Variants in CACNA1B observed in about 807,000 individuals in gnomAD.
CACNA1B encodes calcium voltage-gated channel subunit alpha1 B, also known as voltage-dependent N-type calcium channel subunit alpha-1B.
Under a neutral mutation model 247.2 loss-of-function variants are expected in CACNA1B, and 70 were observed. That is an observed-to-expected ratio of 0.28 (90% CI 0.23 to 0.35). The LOEUF is 0.35. Among genes scored for constraint, CACNA1B ranks in the 10% least tolerant of loss-of-function variants. The pLI, the probability that CACNA1B is intolerant of heterozygous loss-of-function variation, is 1.00. For synonymous variants in CACNA1B, 1,231 were observed against 1,294.4 expected (o/e 0.95, Z 1.05); for missense variants, 2,367 against 3,197.4 (o/e 0.74, Z 6.26).
rs1374854515 is a variant in CACNA1B, at chr9:138,073,739, T to G, written c.4791+135T>G. 2 of 661,342 alleles carry G rather than the reference T, an allele frequency of 3.0e-6. No individual in the cohort carries two copies. The highest frequency in any genetic ancestry group is 3.6e-5 in the African/African-American group (2 of 55,500). The allele number at this position is 661,342 out of a possible 1,614,324, so 41.0% of individuals were successfully genotyped here. On this transcript the variant is annotated intron_variant, in intron 33 of 46. Transcript: ENST00000371372. This position sits in a 1 kb window ranked among gnomAD's most constrained non-coding sequence, Gnocchi z 6.4. The stretch of plus-strand genomic sequence containing the variant: ...GCAGGTTTCGTGGTTGTATGCATTG[T>G]CCTGTTGTCATTTATAAAGACGTTT...
At chr9:138,006,397 G>A (rs1176778844) in intron 15 of CACNA1B, among the ~76,000 whole-genome samples, 1 of 152,188 alleles carries the variant, frequency 6.6e-6, no homozygotes, top group East Asian at 1.9e-4. Flanking sequence ...GTGAACCTCG[G>A]CTTCCTTGAC....
intron 34 of CACNA1B, 77 bp from the exon 35 acceptor site, chr9:138,075,742 C>T (rs1960293788): frequency 3.3e-6 from 3 of 914,296 alleles, no homozygotes; most frequent in Non-Finnish European, 5.3e-6. Context: ...GGCTCGCACG[C>T]CCTCTCTGGC....
At chr9:137,892,010 C>G (rs1309726096) in intron 3 of CACNA1B, 7 of 456,820 alleles carry the variant, frequency 1.5e-5, no homozygotes, top group Admixed American at 1.2e-4. Context: ...GCGCCTTGGT[C>G]CTCCTCACTC....
In CACNA1B at chr9:137,919,849, TG is replaced by T. The variant is rs1314855588; in HGVS notation, c.966+2423del. Among the ~76,000 whole-genome samples the T allele has an allele frequency of 6.6e-6, 1 of 151,954 alleles. No individual in the cohort carries two copies. Among genetic ancestry groups the T allele is most frequent in the Non-Finnish European group, 1.5e-5 (1 of 67,996 alleles). On this transcript the variant is annotated intron_variant, in intron 6 of 46. Transcript: ENST00000371372. This position sits in a 1 kb window ranked among gnomAD's most constrained non-coding sequence, Gnocchi z 4.6. ...GCTGGTGGCAGCGGGTGGGGCAGCGTGGGGGCACTCCAGCTTGAGGAGAAAT... is the reference window on the plus strand; with the variant it reads ...GCTGGTGGCAGCGGGTGGGGCAGCGTGGGGCACTCCAGCTTGAGGAGAAAT...
chr9:138,056,122 A>G (rs750167651), intron 26 of CACNA1B, among the ~76,000 whole-genome samples: 2 of 152,230 alleles, frequency 1.3e-5, no homozygotes, highest in Non-Finnish European at 2.9e-5. Flanking sequence ...ACAGTGTGCA[A>G]TTAAGTGGCT....
At chr9:138,110,978 T>A (rs564194305) in intron 39 of CACNA1B, among the ~76,000 whole-genome samples, 81 of 143,940 alleles carry the variant, frequency 5.6e-4, no homozygotes, top group African/African-American at 1.4e-3. Context: ...ATCCAGAATT[T>A]AAAAAAAAAA....
chr9:138,070,950 A>G (rs1178621151), intron 32 of CACNA1B, among the ~76,000 whole-genome samples: 1 of 152,232 alleles, frequency 6.6e-6, no homozygotes, highest in African/African-American at 2.4e-5. Context: ...CGGGGCCCAC[A>G]GATCGGGGTG....
At chr9:138,047,065 G>A (rs745436449) in intron 22 of CACNA1B, 32 bp downstream of exon 22, 13 of 1,581,042 alleles carry the variant, frequency 8.2e-6, no homozygotes, top group Non-Finnish European at 1.0e-5. Flanking sequence ...GTCCCCGCCA[G>A]GCTGTGGCGG....
chr9:138,055,145 G>A (rs751310596), intron 26 of CACNA1B, among the ~76,000 whole-genome samples: 22 of 85,718 alleles, frequency 2.6e-4, no homozygotes, highest in Non-Finnish European at 5.0e-4. Flanking sequence ...TTTTTTTTTT[G>A]AGACAGGATC....
At position 137,878,046 on chromosome 9, in the gene CACNA1B, A is replaced by C; in HGVS notation, c.113A>C (p.Gln38Pro). Residue 38 changes from glutamine (Q) to proline (P), a missense_variant, in exon 1 of 47, where the codon CAG becomes CCG. Coordinates refer to ENST00000371372, the MANE Select transcript of CACNA1B (RefSeq NM_000718.4). ...GAGGPGPGGL[Q>P]PGQRVLYKQS... ...GGGGGCCCGGGTCCCGGGGGGCTGC[A>C]GCCCGGCCAGCGGGTCCTCTACAAG... 1 of 1,296,900 alleles carries C rather than the reference A, an allele frequency of 7.7e-7. No individual in the cohort carries two copies. The highest frequency in any genetic ancestry group is 9.9e-7 in the Non-Finnish European group (1 of 1,014,554). The allele number at this position is 1,296,900 out of a possible 1,614,324, so 80.3% of individuals were successfully genotyped here.
chr9:138,028,674 G>A (rs1004115119), intron 20 of CACNA1B, among the ~76,000 whole-genome samples: 17 of 152,196 alleles, frequency 1.1e-4, no homozygotes, highest in Admixed American at 2.0e-4. Context: ...AAATGAAGGC[G>A]CATTCCAGAG....
At position 138,120,189 on chromosome 9, in the gene CACNA1B, A is replaced by G; in HGVS notation, c.6055A>G (p.Lys2019Glu). The change falls in exon 45 of 47, where the codon AAG becomes GAG. Residue 2019 changes from lysine to glutamate, a missense_variant. Around this residue, in one of 12 missense-constraint regions of CACNA1B, gnomAD observed 773 missense variants for 779.4 expected, o/e 0.99. Transcript: ENST00000371372. ...TQPVTDASPM[K>E]RSISTLAQRP... is the part of the protein sequence containing the mutation. ...GCCCGTCACAGATGCCAGCCCCATGAAGCGCTCCATCTCCACGCTGGCCCA... is the reference window on the plus strand; with the variant it reads ...GCCCGTCACAGATGCCAGCCCCATGGAGCGCTCCATCTCCACGCTGGCCCA... 6.2e-7 allele frequency: 1 copy of G among 1,606,646 alleles called. No individual in the cohort carries two copies. The highest frequency in any genetic ancestry group is 2.3e-5 in the East Asian group (1 of 44,308).
In CACNA1B at chr9:138,116,005, C is replaced by A. The variant is rs2739257; in HGVS notation, c.5777+326C>A. Among the ~76,000 whole-genome samples the A allele has an allele frequency of 0.83, 126,635 of 152,198 alleles. 53,334 individuals are homozygous for A. The highest frequency in any genetic ancestry group is 0.94 in the Middle Eastern group (277 of 294). On this transcript the variant is annotated intron_variant, in intron 42 of 46. Transcript: ENST00000371372. ...CTGTGGCAGACTTTAAAATCGTTTC[C>A]TGTGACATTAGACAGGTGCTTCATC...
intron 20 of CACNA1B, among the ~76,000 whole-genome samples, chr9:138,028,749 G>T (rs1958952081): frequency 1.3e-5 from 2 of 152,212 alleles, no homozygotes; most frequent in African/African-American, 2.4e-5. Flanking sequence ...GCAAATGAAG[G>T]ATTCAGACTT....
At position 138,014,923 on chromosome 9, in the gene CACNA1B, C is replaced by T. The variant is rs950771936; in HGVS notation, c.2267+1688C>T. 1.3e-5 allele frequency among the ~76,000 whole-genome samples: 2 copies of T among 152,156 alleles called. No homozygotes were observed. Among genetic ancestry groups the T allele is most frequent in the Admixed American group, 6.5e-5 (1 of 15,286 alleles). ...GCTGGACACTCTTCCTTATCTGCTG[C>T]CCTGTCCTGGTTTGGAGACACTGCT... On this transcript the variant is annotated intron_variant, in intron 18 of 46. Coordinates refer to ENST00000371372, the MANE Select transcript of CACNA1B (RefSeq NM_000718.4). This position sits in a 1 kb window ranked among gnomAD's most constrained non-coding sequence, Gnocchi z 6.2.
At chr9:138,117,276 T>C (rs962236945) in intron 42 of CACNA1B, among the ~76,000 whole-genome samples, 2 of 46,758 alleles carry the variant, frequency 4.3e-5, no homozygotes, top group East Asian at 4.1e-4. Context: ...GAAGGGCTCA[T>C]TGTGGCTTGG....
At chr9:138,056,025 C>CA (rs139766087) in intron 26 of CACNA1B, among the ~76,000 whole-genome samples, 23,524 of 142,124 alleles carry the variant, frequency 0.17, 2,425 homozygotes, top group East Asian at 0.46. Context: ...GACTCTGTCT[C>CA]AAAAAAAAAA....
intron 20 of CACNA1B, among the ~76,000 whole-genome samples, chr9:138,026,163 T>C (rs1047182440): frequency 6.6e-6 from 1 of 152,230 alleles, no homozygotes; most frequent in Admixed American, 6.5e-5. Context: ...TCAGGTGCTC[T>C]CACCTGGGGC....
chr9:138,071,675 T>G (rs954519591), intron 32 of CACNA1B, among the ~76,000 whole-genome samples: 1 of 152,148 alleles, frequency 6.6e-6, no homozygotes, highest in Non-Finnish European at 1.5e-5. Flanking sequence ...CATTCATGCA[T>G]TAAGTAATTT....
Sources: gnomAD v4.1 joint callset for allele counts (sites outside exome capture counted in the v4.1 genomes callset) on GRCh38, gnomAD v4.1.1 for gene constraint, gnomAD v4.1.1 regional missense constraint, Gnocchi (gnomAD v3.1) non-coding constraint, MANE v1.5 for transcripts, NCBI Gene and HGNC (gene_info 2026-07-23, HGNC 2026-07-21) for gene names.